The following MIPEP variants were observed in gnomAD, a reference collection of about 807,000 sequenced individuals.
The protein encoded by MIPEP is mitochondrial intermediate peptidase.
In MIPEP, 79 loss-of-function variants were observed where a neutral mutation model predicts 90.3. The observed-to-expected ratio is 0.87, with a 90% CI of 0.73 to 1.05. The LOEUF (loss-of-function observed/expected upper bound fraction) is 1.05. Ranked by LOEUF, MIPEP falls within the 50% of genes least tolerant of loss-of-function variation. The probability of loss-of-function intolerance (pLI) is 0.00; values close to 1 mark genes in which losing one functional copy is unlikely to be tolerated. For synonymous variants in MIPEP, 334 were observed against 315.8 expected (o/e 1.06, Z -0.61); for missense variants, 940 against 905.6 (o/e 1.04, Z -0.49).
Position 23,888,816 on chromosome 13 carries a change from G to A in MIPEP, c.189+316C>T, listed in dbSNP as rs554211839. On this transcript the variant is annotated intron_variant, in intron 1 of 18. Transcript: ENST00000382172. ...TTAGCAGGGGTGCGCCTGAGTGTATGCAGAGGGCGGGTCCTGGCAGGACGA... is the reference window on the plus strand; with the variant it reads ...TTAGCAGGGGTGCGCCTGAGTGTATACAGAGGGCGGGTCCTGGCAGGACGA... The A allele has an allele frequency of 3.7e-5, 36 of 970,592 alleles. No individual in the cohort carries two copies. The African/African-American group carries it at 5.4e-4, about 15-fold the overall frequency. 60.1% of individuals were successfully genotyped at this position (970,592 alleles called of 1,614,324 possible).
chr13:23,759,205 G>C (rs573037763), intron 17 of MIPEP, among the ~76,000 whole-genome samples: 157 of 152,250 alleles, frequency 1.0e-3, no homozygotes, highest in Middle Eastern at 3.4e-3. Context: ...TATTGTTATA[G>C]GGATTCCTGT....
intron 16 of MIPEP, among the ~76,000 whole-genome samples, chr13:23,781,383 A>C (rs1420661756): frequency 2.0e-5 from 3 of 152,234 alleles, no homozygotes; most frequent in Middle Eastern, 3.4e-3. Context: ...GAAATAAAAT[A>C]CTTTACAGAC....
intron 14 of MIPEP, among the ~76,000 whole-genome samples, chr13:23,824,024 G>A (rs191387610): frequency 9.2e-5 from 14 of 152,274 alleles, no homozygotes; most frequent in East Asian, 3.9e-4. Flanking sequence ...TGTTGACCAC[G>A]CATAGGAACA....
rs746643371 is a variant in MIPEP, at chr13:23,879,343, T to C, written c.464A>G (p.Asn155Ser). ...TTGCAAACTTTGATATAAATCCACA[T>C]TTGTGTTCAACCTAGAAAAAATAGA... ...IGTMVEKLNT[N>S]VDLYQSLQKL... The change falls in exon 4 of 19, where the codon AAT (asparagine) becomes AGT (serine). Residue 155 changes from asparagine (N) to serine (S), a missense_variant. Asn to Ser is a conservative substitution (Grantham distance 46). Coordinates refer to ENST00000382172, the MANE Select transcript of MIPEP (RefSeq NM_005932.4). The C allele has an allele frequency of 4.5e-6, 7 of 1,559,688 alleles. No individual in the cohort carries two copies. The highest frequency in any genetic ancestry group is 6.2e-6 in the Non-Finnish European group (7 of 1,133,266).
At chr13:23,772,205 C>T (rs1020693047) in intron 16 of MIPEP, among the ~76,000 whole-genome samples, 10 of 152,078 alleles carry the variant, frequency 6.6e-5, no homozygotes, top group Non-Finnish European at 4.4e-5. Flanking sequence ...ACTGAGCCAC[C>T]GAAATGACTA....
chr13:23,867,425 C>T (rs182608510), intron 7 of MIPEP, among the ~76,000 whole-genome samples: 27 of 152,204 alleles, frequency 1.8e-4, no homozygotes, highest in Admixed American at 1.7e-3. Flanking sequence ...GTGAGCCTTC[C>T]GACAATGCTC....
intron 18 of MIPEP, chr13:23,747,608 T>G (rs1428670825): frequency 2.1e-6 from 1 of 478,578 alleles, no homozygotes; most frequent in Non-Finnish European, 4.2e-6. Context: ...GCTATATATT[T>G]TTTTTCTTTT....
intron 10 of MIPEP, among the ~76,000 whole-genome samples, chr13:23,855,136 T>G (rs991733334): frequency 6.6e-6 from 1 of 152,194 alleles, no homozygotes; most frequent in East Asian, 1.9e-4. Flanking sequence ...TGTGAATGTA[T>G]TGCCTAATCA....
intron 10 of MIPEP, among the ~76,000 whole-genome samples, 196 bp downstream of exon 10, chr13:23,858,664 C>A (rs565375807): frequency 3.9e-5 from 6 of 152,002 alleles, no homozygotes; most frequent in Admixed American, 1.3e-4. Flanking sequence ...GGAGAGGGAC[C>A]AGATTGTAGA....
intron 18 of MIPEP, among the ~76,000 whole-genome samples, chr13:23,742,160 A>T (rs1397192626): frequency 6.6e-6 from 1 of 152,254 alleles, no homozygotes; most frequent in Non-Finnish European, 1.5e-5. Context: ...ATGGTATCTT[A>T]TTATTTGAAA....
At chr13:23,839,886 G>A (rs1423122689) in intron 11 of MIPEP, among the ~76,000 whole-genome samples, 160 bp from the exon 12 acceptor site, 2 of 151,920 alleles carry the variant, frequency 1.3e-5, no homozygotes, top group East Asian at 1.9e-4. Context: ...TCTTTTCCCC[G>A]CATCCTCTTC....
rs1006773751 is a variant in MIPEP at position 23,787,438 on chromosome 13, A to T, written c.1848+18512T>A. Among the ~76,000 whole-genome samples the T allele has an allele frequency of 3.3e-5, 5 of 152,094 alleles. No homozygotes were observed. The East Asian group carries it at 5.8e-4, about 18-fold the overall frequency. Reference sequence around the variant, plus strand: ...AGAGAGAGAGAGAGAAGACAGAGAGAGAGAGAGCACAGCAGGAGTGCACAT... The same window carrying T: ...AGAGAGAGAGAGAGAAGACAGAGAGTGAGAGAGCACAGCAGGAGTGCACAT... On this transcript the variant is annotated intron_variant, in intron 16 of 18. Coordinates refer to ENST00000382172, the MANE Select transcript of MIPEP (RefSeq NM_005932.4).
intron 16 of MIPEP, among the ~76,000 whole-genome samples, chr13:23,772,070 G>C (rs546287537): frequency 2.0e-4 from 31 of 152,242 alleles, no homozygotes; most frequent in Admixed American, 1.0e-3. Context: ...CCCATGTAAA[G>C]GCATTCCAGA....
intron 18 of MIPEP, among the ~76,000 whole-genome samples, chr13:23,735,891 C>T (rs1952257484): frequency 6.6e-6 from 1 of 150,574 alleles, no homozygotes; most frequent in African/African-American, 2.5e-5. Context: ...CTAAACCCTA[C>T]ACAGAAAATT....
chr13:23,809,952 G>A (rs1953154019), intron 14 of MIPEP, 28 bp from the exon 15 acceptor site: 1 of 1,466,336 alleles, frequency 6.8e-7, no homozygotes, highest in African/African-American at 1.4e-5. Flanking sequence ...ATATATATGT[G>A]AGTAAACTGC....
intron 16 of MIPEP, among the ~76,000 whole-genome samples, chr13:23,796,744 AC>A (rs1952967239): frequency 6.6e-6 from 1 of 152,234 alleles, no homozygotes; most frequent in African/African-American, 2.4e-5. Flanking sequence ...TATGTAAACA[AC>A]AGGGTTCACC....
rs776184834 is a variant in MIPEP, at chr13:23,881,721, T to G, written c.430A>C (p.Ser144Arg). Residue 144 changes from serine (S) to arginine (R), a missense_variant, in exon 3 of 19, where the codon AGT becomes CGT. By Grantham distance (110) the Ser-to-Arg change is moderately radical. Coordinates refer to ENST00000382172, the MANE Select transcript of MIPEP (RefSeq NM_005932.4). ...FREAAEEACR[S>R]IGTMVEKLNT... is the part of the protein sequence containing the mutation. The stretch of plus-strand genomic sequence containing the variant: ...TACTTCTCTACCATGGTGCCAATAC[T>G]TCTACAAGCTTCTTCCGCAGCTTCT... 6.2e-7 allele frequency: 1 copy of G among 1,613,974 alleles called. No individual in the cohort carries two copies.
chr13:23,864,753 G>C (rs67767475), intron 7 of MIPEP, among the ~76,000 whole-genome samples: 1 of 27,826 alleles, frequency 3.6e-5, no homozygotes, highest in Non-Finnish European at 7.7e-5. Context: ...AAAAAAAAAA[G>C]AGTTAATGGG....
intron 16 of MIPEP, among the ~76,000 whole-genome samples, chr13:23,780,826 A>G (rs953921512): frequency 3.3e-5 from 5 of 152,262 alleles, no homozygotes; most frequent in African/African-American, 1.2e-4. Flanking sequence ...TCAGTAGCCC[A>G]TTCGATCAAC....
Sources: allele counts gnomAD v4.1 joint callset (sites outside exome capture counted in the v4.1 genomes callset), GRCh38; gene constraint gnomAD v4.1.1; transcripts MANE v1.5; gene names NCBI Gene and HGNC (gene_info 2026-07-23, HGNC 2026-07-21).